RHBDL2: variants seen among roughly 807,000 people sequenced by gnomAD.
RHBDL2 encodes the protein rhomboid like 2, also known as rhomboid-related protein 2.
Under a neutral mutation model 31.7 loss-of-function variants are expected in RHBDL2, and 26 were observed. That is an observed-to-expected ratio of 0.82 (90% CI 0.60 to 1.14). The LOEUF is 1.14. Ranked by LOEUF, RHBDL2 falls within the 50% of genes most tolerant of loss-of-function variation. RHBDL2 has a pLI of 0.00. For synonymous variants in RHBDL2, 123 were observed against 127.2 expected (o/e 0.97, Z 0.22); for missense variants, 336 against 364.4 (o/e 0.92, Z 0.63).
chr1:38,891,279 A>AG lies in RHBDL2; in HGVS notation c.670+1884_670+1885insC, dbSNP rs1222234389. On this transcript the variant is annotated intron_variant, in intron 6 of 7. Transcript: ENST00000372990. ...CCGTCTCAAAAAAAAAAAAAAAAAAAAAGAAGAATATTTACAACTTTATAC... is the reference window on the plus strand; with the variant it reads ...CCGTCTCAAAAAAAAAAAAAAAAAAAGAAGAAGAATATTTACAACTTTATAC... Among the ~76,000 whole-genome samples the AG allele has an allele frequency of 4.1e-4, 62 of 151,436 alleles. 1 individual carries two copies. The highest frequency in any genetic ancestry group is 1.4e-3 in the East Asian group (7 of 5,178).
At chr1:38,921,041 C>A (rs1481120335) in intron 1 of RHBDL2, among the ~76,000 whole-genome samples, 1 of 152,148 alleles carries the variant, frequency 6.6e-6, no homozygotes, top group Non-Finnish European at 1.5e-5. Flanking sequence ...CCATTTTAAA[C>A]TGAGGATAAT....
In RHBDL2 at chr1:38,890,819, G is replaced by GC. The variant is rs538689802; in HGVS notation, c.670+2344dup. Among the ~76,000 whole-genome samples, 21 of 151,848 alleles carry GC rather than the reference G, an allele frequency of 1.4e-4. No homozygotes were observed. The East Asian group carries it at 4.1e-3, about 29-fold the overall frequency. ...GGCTCAAGCGAATTCTCCCACCTCA[G>GC]CCTCCTGAGTAGCTGGAACCACAGG... On this transcript the variant is annotated intron_variant, in intron 6 of 7. Transcript: ENST00000372990.
rs542635189 is a variant in RHBDL2 at position 38,907,360 on chromosome 1, C to T, written c.508+3962G>A. 5.3e-5 allele frequency among the ~76,000 whole-genome samples: 8 copies of T among 151,372 alleles called. No individual in the cohort carries two copies. In the South Asian group the frequency reaches 6.3e-4, roughly 12 times the overall value. On this transcript the variant is annotated intron_variant, in intron 4 of 7. Coordinates refer to ENST00000372990, the MANE Select transcript of RHBDL2 (RefSeq NM_017821.5). ...TTCGAGACCAGCCTGGCCAACATGG[C>T]GAAACCCCATCTCTAATAAAAATAC...
At chr1:38,930,455 T>G (rs901413769) in intron 1 of RHBDL2, among the ~76,000 whole-genome samples, 23 of 152,326 alleles carry the variant, frequency 1.5e-4, no homozygotes, top group African/African-American at 5.5e-4. Flanking sequence ...CTATTTAACA[T>G]ATTACATATA....
intron 4 of RHBDL2, among the ~76,000 whole-genome samples, chr1:38,907,373 C>T (rs61688305): frequency 0.022 from 3,342 of 152,094 alleles, 122 homozygotes; most frequent in African/African-American, 0.074. Context: ...AACCCCATCT[C>T]TAATAAAAAT....
At chr1:38,936,501 GTT>G (rs71278734) in intron 1 of RHBDL2, among the ~76,000 whole-genome samples, 2 of 125,716 alleles carry the variant, frequency 1.6e-5, no homozygotes, top group Admixed American at 8.1e-5. Context: ...TGCTTTTTGG[GTT>G]TTTTTTTTTT....
chr1:38,890,515 C>G (rs923229440), intron 6 of RHBDL2, among the ~76,000 whole-genome samples: 1 of 152,294 alleles, frequency 6.6e-6, no homozygotes, highest in African/African-American at 2.4e-5. Flanking sequence ...TTTCTCTCAT[C>G]TTGCCCCTTC....
At position 38,921,636 on chromosome 1, in the gene RHBDL2, T is replaced by C. The variant is rs184955218; in HGVS notation, c.-125-2299A>G. On this transcript the variant is annotated intron_variant, in intron 1 of 7. Transcript: ENST00000372990. ...TTCAATAAATTGAGGAAGAGACATC[T>C]TATTTTTCTTTTCCCCAGCAAATTT... is the stretch of plus-strand genomic sequence containing the variant. Among the ~76,000 whole-genome samples the C allele has an allele frequency of 3.9e-3, 597 of 152,310 alleles. 3 individuals carry two copies. Among genetic ancestry groups the C allele is most frequent in the African/African-American group, 0.014 (578 of 41,570 alleles).
At chr1:38,899,171 A>G (rs1440075273) in intron 4 of RHBDL2, among the ~76,000 whole-genome samples, 3 of 152,216 alleles carry the variant, frequency 2.0e-5, no homozygotes, top group African/African-American at 4.8e-5. Context: ...TTTTAACTTG[A>G]TGAAGAAATT....
intron 7 of RHBDL2, among the ~76,000 whole-genome samples, chr1:38,887,423 C>T (rs1292689864): frequency 6.6e-6 from 1 of 151,062 alleles, no homozygotes; most frequent in Non-Finnish European, 1.5e-5. Flanking sequence ...AAAATCCATT[C>T]TCTCCTGTTT....
intron 1 of RHBDL2, 57 bp from the exon 2 acceptor site, chr1:38,919,394 G>A: frequency 1.4e-6 from 2 of 1,451,108 alleles, no homozygotes; most frequent in South Asian, 1.5e-5. Context: ...CCTCCTAAAT[G>A]GCCCAAAATA....
intron 1 of RHBDL2, among the ~76,000 whole-genome samples, chr1:38,923,651 AC>A (rs1480158049): frequency 6.6e-6 from 1 of 152,224 alleles, no homozygotes; most frequent in Non-Finnish European, 1.5e-5. Flanking sequence ...GAGTCTCAAA[AC>A]AAAATAATGA....
At chr1:38,888,064 A>G (rs1387641873) in intron 6 of RHBDL2, 40 bp from the exon 7 acceptor site, 4 of 1,331,362 alleles carry the variant, frequency 3.0e-6, no homozygotes. Context: ...CAGAATCTCC[A>G]CAGTAGTACA....
Position 38,925,081 on chromosome 1 carries a change from G to A in RHBDL2, c.-125-5744C>T, listed in dbSNP as rs950082873. On this transcript the variant is annotated intron_variant, in intron 1 of 7. Coordinates refer to ENST00000372990, the MANE Select transcript of RHBDL2 (RefSeq NM_017821.5). ...TAGGCTTAAACCACCATGCCCAGCC[G>A]AAAAGAGATTTCTATAAAGAGATTT... Among the ~76,000 whole-genome samples, 22 of 151,766 alleles carry A rather than the reference G, an allele frequency of 1.4e-4. 1 individual carries two copies. Among genetic ancestry groups the A allele is most frequent in the Admixed American group, 1.1e-3 (16 of 15,200 alleles).
At chr1:38,904,828 G>C (rs1245781189) in intron 4 of RHBDL2, among the ~76,000 whole-genome samples, 3 of 145,614 alleles carry the variant, frequency 2.1e-5, no homozygotes, top group South Asian at 2.2e-4. Flanking sequence ...TCAGGATATC[G>C]AGACCATCCT....
At chr1:38,912,902 ATATATATATGTG>A (rs1487300203) in intron 3 of RHBDL2, among the ~76,000 whole-genome samples, 2 of 36,416 alleles carry the variant, frequency 5.5e-5, no homozygotes, top group African/African-American at 1.3e-4. Context: ...ATATATATAT[ATATATATATGTG>A]TGTGTGTGTG....
intron 1 of RHBDL2, among the ~76,000 whole-genome samples, chr1:38,920,607 CTTTT>C (rs547790628): frequency 8.5e-5 from 11 of 129,032 alleles, no homozygotes; most frequent in Non-Finnish European, 8.3e-5. Context: ...CAAGTTTTCT[CTTTT>C]TTTTTTTTTT....
chr1:38,891,595 C>T (rs1474606683), intron 6 of RHBDL2, among the ~76,000 whole-genome samples: 1 of 152,170 alleles, frequency 6.6e-6, no homozygotes, highest in African/African-American at 2.4e-5. Context: ...CTCCCAGATA[C>T]TCACTCTCCC....
chr1:38,932,973 C>T (rs949236128), intron 1 of RHBDL2, among the ~76,000 whole-genome samples: 4 of 152,146 alleles, frequency 2.6e-5, no homozygotes, highest in Admixed American at 2.0e-4. Context: ...TCCACTCCTG[C>T]CTCCCTCCAA....
Sources: gnomAD v4.1 joint callset for allele counts (sites outside exome capture counted in the v4.1 genomes callset) on GRCh38, gnomAD v4.1.1 for gene constraint, MANE v1.5 for transcripts, NCBI Gene and HGNC (gene_info 2026-07-23, HGNC 2026-07-21) for gene names.